The following DCC variants were observed in gnomAD, a reference collection of about 807,000 sequenced individuals.
The protein encoded by DCC is DCC netrin 1 receptor.
DCC carries 58 observed loss-of-function variants against 172.5 expected under a neutral mutation model. The ratio of observed to expected loss-of-function variants is 0.34; its 90% confidence interval spans 0.27 to 0.42. The LOEUF (loss-of-function observed/expected upper bound fraction) is 0.42, where lower values mean the gene tolerates loss of function less well. Ranked by LOEUF, DCC falls within the 10% of genes least tolerant of loss-of-function variation. The pLI, the probability that DCC is intolerant of heterozygous loss-of-function variation, is 1.00. For synonymous variants in DCC, 709 were observed against 644.5 expected (o/e 1.10, Z -1.52); for missense variants, 1,740 against 1,791.0 (o/e 0.97, Z 0.51).
intron 1 of DCC, among the ~76,000 whole-genome samples, chr18:52,686,467 C>T (rs1409880708): frequency 6.6e-6 from 1 of 152,100 alleles, no homozygotes; most frequent in Non-Finnish European, 1.5e-5. Context: ...CAGTATCTGG[C>T]AGTATTTGAT....
intron 12 of DCC, among the ~76,000 whole-genome samples, chr18:53,258,117 T>C (rs2056545835): frequency 6.6e-6 from 1 of 152,200 alleles, no homozygotes; most frequent in Admixed American, 6.5e-5. Flanking sequence ...TCTTTATTAG[T>C]CTTGTTAGCG....
rs2145147066 is a variant in DCC, at chr18:53,449,268, A to G, written c.3230-1232A>G. Among the ~76,000 whole-genome samples the G allele has an allele frequency of 1.3e-5, 2 of 152,344 alleles. 1 individual carries two copies. Among genetic ancestry groups the G allele is most frequent in the South Asian group, 4.1e-4 (2 of 4,826 alleles). On this transcript the variant is annotated intron_variant, in intron 22 of 28. Transcript: ENST00000442544. ...AAATGTGTAACTTGTAATGACAAACATGACTGACATAGAACAGAGTATTGC... is the reference window on the plus strand; with the variant it reads ...AAATGTGTAACTTGTAATGACAAACGTGACTGACATAGAACAGAGTATTGC...
At chr18:52,848,426 A>G (rs1018378235) in intron 2 of DCC, among the ~76,000 whole-genome samples, 6 of 152,078 alleles carry the variant, frequency 3.9e-5, no homozygotes, top group Admixed American at 1.3e-4. Flanking sequence ...CTCATCACCA[A>G]ATTAATTTAT....
At chr18:52,639,542 T>G (rs1045457716) in intron 1 of DCC, among the ~76,000 whole-genome samples, 2 of 151,928 alleles carry the variant, frequency 1.3e-5, no homozygotes, top group Non-Finnish European at 2.9e-5. Flanking sequence ...TTTATGCACA[T>G]AAACTAGAAA....
intron 1 of DCC, among the ~76,000 whole-genome samples, chr18:52,502,801 C>G (rs1354915998): frequency 6.6e-6 from 1 of 152,186 alleles, no homozygotes; most frequent in Non-Finnish European, 1.5e-5. Context: ...AGTTCATACT[C>G]TGTATATTTG....
At chr18:52,960,613 G>A (rs924199434) in intron 5 of DCC, among the ~76,000 whole-genome samples, 16 of 152,056 alleles carry the variant, frequency 1.1e-4, no homozygotes, top group Non-Finnish European at 1.9e-4. Context: ...ATCATGTTCA[G>A]CCACCATTGC....
rs1555697204 is a variant in DCC at position 53,022,539 on chromosome 18, A to ATATG, written c.986-40765_986-40764insATGT. 1.7e-4 allele frequency among the ~76,000 whole-genome samples: 20 copies of ATATG among 117,722 alleles called. 1 individual carries two copies. The highest frequency in any genetic ancestry group is 3.7e-4 in the African/African-American group (14 of 37,700). The allele number at this position is 117,722 out of a possible 152,430, so 77.2% of individuals were successfully genotyped here. A position where few individuals can be genotyped will look rare whatever the true frequency, so the allele number is the denominator to read the frequency against. On this transcript the variant is annotated intron_variant, in intron 5 of 28. Coordinates refer to ENST00000442544, the MANE Select transcript of DCC (RefSeq NM_005215.4). Reference sequence around the variant, plus strand: ...TATGTTCAGTATTTTTTATATATATATGTGCGTGTGTGTGTGTGTGTGTGT... The same window carrying ATATG: ...TATGTTCAGTATTTTTTATATATATATATGTGTGCGTGTGTGTGTGTGTGTGTGT...
chr18:52,825,426 T>C (rs1039041840), intron 2 of DCC, among the ~76,000 whole-genome samples: 4 of 152,244 alleles, frequency 2.6e-5, no homozygotes, highest in Non-Finnish European at 4.4e-5. Flanking sequence ...TTCTATTTTA[T>C]ATAAACCTGC....
Position 52,799,960 on chromosome 18 carries a change from C to T in DCC, c.412+47586C>T, listed in dbSNP as rs1422236888. 3.3e-5 allele frequency among the ~76,000 whole-genome samples: 5 copies of T among 152,120 alleles called. 1 individual carries two copies. The South Asian group carries it at 8.3e-4, about 25-fold the overall frequency. ...CACTTGACGGGGAACTCTGTAAGGG[C>T]AGAGATGGTAGTTCTTCACTTTGAA... On this transcript the variant is annotated intron_variant, in intron 2 of 28. Coordinates refer to ENST00000442544, the MANE Select transcript of DCC (RefSeq NM_005215.4).
intron 15 of DCC, among the ~76,000 whole-genome samples, chr18:53,375,065 G>A (rs565346640): frequency 6.6e-6 from 1 of 152,236 alleles, no homozygotes; most frequent in Non-Finnish European, 1.5e-5. Context: ...AATGAGCTCT[G>A]TTTTCTCATC....
At chr18:52,553,089 T>C (rs1284566284) in intron 1 of DCC, among the ~76,000 whole-genome samples, 3 of 152,032 alleles carry the variant, frequency 2.0e-5, no homozygotes, top group Non-Finnish European at 2.9e-5. Flanking sequence ...AGAAATCTGA[T>C]AGTAAAGGGT....
chr18:52,837,288 G>A (rs1308497604), intron 2 of DCC, among the ~76,000 whole-genome samples: 1 of 152,184 alleles, frequency 6.6e-6, no homozygotes, highest in African/African-American at 2.4e-5. Flanking sequence ...TTGTTACTTA[G>A]GCAAATTTCC....
At chr18:52,392,415 G>A (rs1184092328) in intron 1 of DCC, among the ~76,000 whole-genome samples, 3 of 152,110 alleles carry the variant, frequency 2.0e-5, no homozygotes, top group Non-Finnish European at 4.4e-5. Flanking sequence ...TAGGATGACT[G>A]CACATAAGCT....
At chr18:52,879,015 A>T (rs956966422) in intron 2 of DCC, among the ~76,000 whole-genome samples, 1 of 152,116 alleles carries the variant, frequency 6.6e-6, no homozygotes, top group African/African-American at 2.4e-5. Flanking sequence ...AGTTGTATTG[A>T]TTGCAATTTT....
At chr18:53,302,096 T>C (rs930460094) in intron 12 of DCC, among the ~76,000 whole-genome samples, 1 of 152,182 alleles carries the variant, frequency 6.6e-6, no homozygotes, top group Non-Finnish European at 1.5e-5. Flanking sequence ...GTGTCCTTAT[T>C]TTCTTTTAGA....
chr18:53,411,614 GGTACCCTA>G (rs1400962534), intron 20 of DCC, among the ~76,000 whole-genome samples: 2 of 152,090 alleles, frequency 1.3e-5, no homozygotes, highest in Non-Finnish European at 2.9e-5. Flanking sequence ...TTCTAGGAAA[GGTACCCTA>G]GTAAATAAGG....
chr18:53,267,761 C>T (rs562557485), intron 12 of DCC, among the ~76,000 whole-genome samples: 7 of 152,112 alleles, frequency 4.6e-5, no homozygotes, highest in Admixed American at 1.3e-4. Context: ...CCAATGTGCC[C>T]GGCCACATAT....
chr18:53,279,648 A>T lies in DCC; in HGVS notation c.1912-25930A>T, dbSNP rs538152377. ...TGTACCCTAAAACTTAAAGTATAAT[A>T]AAAAAAAAAAAAAAAACCTGTGACT... is the stretch of plus-strand genomic sequence containing the variant. On this transcript the variant is annotated intron_variant, in intron 12 of 28. Transcript: ENST00000442544. Among the ~76,000 whole-genome samples, 53 of 7,868 alleles carry T rather than the reference A, an allele frequency of 6.7e-3. 1 individual carries two copies. The highest frequency in any genetic ancestry group is 0.25 in the Middle Eastern group (1 of 4). 5.2% of individuals were successfully genotyped at this position (7,868 alleles called of 152,430 possible).
At chr18:52,347,702 G>C (rs1455521039) in intron 1 of DCC, among the ~76,000 whole-genome samples, 3 of 152,090 alleles carry the variant, frequency 2.0e-5, no homozygotes, top group Non-Finnish European at 4.4e-5. Context: ...TCCCTTATTA[G>C]AGGAATATCT....
Sources: gnomAD v4.1 joint callset for allele counts (sites outside exome capture counted in the v4.1 genomes callset) on GRCh38, gnomAD v4.1.1 for gene constraint, MANE v1.5 for transcripts, NCBI Gene and HGNC (gene_info 2026-07-23, HGNC 2026-07-21) for gene names.